Variants in DDX27 observed in about 807,000 individuals in gnomAD.
The protein encoded by DDX27 is probable ATP-dependent RNA helicase DDX27.
In DDX27, 42 loss-of-function variants were observed where a neutral mutation model predicts 99.3. The observed-to-expected ratio is 0.42, with a 90% CI of 0.33 to 0.55. DDX27 has a LOEUF of 0.55. Ranked by LOEUF, DDX27 falls within the 20% of genes least tolerant of loss-of-function variation. DDX27 has a pLI of 0.07. For missense variants in DDX27, 798 were observed against 976.8 expected (o/e 0.82, Z 2.44); for synonymous variants, 329 against 353.8 (o/e 0.93, Z 0.79).
intron 8 of DDX27, among the ~76,000 whole-genome samples, chr20:49,229,894 C>T (rs943680677): frequency 5.9e-5 from 9 of 152,224 alleles, no homozygotes; most frequent in Middle Eastern, 3.4e-3. Flanking sequence ...GATCCACCTG[C>T]CTTGGCCTCC....
chr20:49,242,055 C>A, intron 17 of DDX27, 28 bp from the exon 18 acceptor site: 1 of 1,614,092 alleles, frequency 6.2e-7, no homozygotes, highest in Non-Finnish European at 8.5e-7. Flanking sequence ...TGGTGTGTTC[C>A]ACACTCACAC....
At chr20:49,239,151 C>A in intron 15 of DDX27, 85 bp from the exon 16 acceptor site, 1 of 1,526,794 alleles carries the variant, frequency 6.5e-7, no homozygotes, top group Non-Finnish European at 9.1e-7. Context: ...TTTCTCCCAT[C>A]AGAGCCCCAG....
intron 7 of DDX27, 102 bp from the exon 8 acceptor site, chr20:49,228,613 A>T: frequency 8.6e-7 from 1 of 1,157,226 alleles, no homozygotes; most frequent in Non-Finnish European, 1.2e-6. Context: ...AAGTTCCTTT[A>T]TTTTCCCCAA....
chr20:49,232,658 G>C (rs1397427310), intron 9 of DDX27: 3 of 152,380 alleles, frequency 2.0e-5, no homozygotes, highest in Non-Finnish European at 4.4e-5. Context: ...CAGCTACTCC[G>C]GAGGCTGAGG....
rs1980309135 is a variant in DDX27 at position 49,236,367 on chromosome 20, A to G, written c.1544A>G (p.His515Arg). 6 of 1,605,928 alleles carry G rather than the reference A, an allele frequency of 3.7e-6. No individual in the cohort carries two copies. The highest frequency in any genetic ancestry group is 5.1e-6 in the Non-Finnish European group (6 of 1,176,004). ...TTCACAATGCCTAATACCATCAAACATTATGTCCACCGGGTGGGGCGAACA... is the reference window on the plus strand; with the variant it reads ...TTCACAATGCCTAATACCATCAAACGTTATGTCCACCGGGTGGGGCGAACA... ...INFTMPNTIK[H>R]YVHRVGRTAR... Residue 515 changes from histidine (H) to arginine (R), a missense_variant, in exon 14 of 21, where the codon CAT becomes CGT. His to Arg is a conservative substitution (Grantham distance 29). Transcript: ENST00000618172. This position sits in a 1 kb window ranked among gnomAD's most constrained non-coding sequence, Gnocchi z 4.1.
Position 49,233,421 on chromosome 20 carries a change from T to C in DDX27, c.1131+16T>C, listed in dbSNP as rs777054444. On this transcript the variant is annotated intron_variant, in intron 10 of 20. Transcript: ENST00000618172. Reference sequence around the variant, plus strand: ...GACAGACGAGGTGGGCCGAGGGACTTCTCTGTGGCGGGTGGCAGGTGTGCC... The same window carrying C: ...GACAGACGAGGTGGGCCGAGGGACTCCTCTGTGGCGGGTGGCAGGTGTGCC... The C allele has an allele frequency of 6.2e-7, 1 of 1,613,250 alleles. No individual in the cohort carries two copies. The highest frequency in any genetic ancestry group is 1.1e-5 in the South Asian group (1 of 91,064).
intron 10 of DDX27, 79 bp from the exon 11 acceptor site, chr20:49,233,489 T>C: frequency 1.9e-6 from 3 of 1,599,532 alleles, no homozygotes; most frequent in Non-Finnish European, 2.6e-6. Flanking sequence ...CTTGAGGGGG[T>C]TTGCCTGGGG....
At chr20:49,243,549 G>A in intron 19 of DDX27, 80 bp from the exon 20 acceptor site, 1 of 1,244,078 alleles carries the variant, frequency 8.0e-7, no homozygotes, top group East Asian at 2.3e-5. Flanking sequence ...GCTTCATGTA[G>A]GAGCTGGGGA....
At chr20:49,227,306 A>C (rs1410166286) in intron 7 of DDX27, among the ~76,000 whole-genome samples, 1 of 152,268 alleles carries the variant, frequency 6.6e-6, no homozygotes, top group Non-Finnish European at 1.5e-5. Flanking sequence ...AATCAAAACC[A>C]GGAAATTGGC....
rs142763698 is a variant in DDX27 at position 49,235,026 on chromosome 20, G to A, written c.1365G>A (p.Met455Ile). ...AHRMHILLGL[M>I]GLQVGELHGN... ...GCATGCACATCCTCCTGGGGCTCAT[G>A]GGGCTGCAGGTGGGTGAGCTCCATG... The change falls in exon 12 of 21, where the codon ATG becomes ATA. Residue 455 changes from methionine (M) to isoleucine (I), a missense_variant. Transcript: ENST00000618172. 6.2e-7 allele frequency: 1 copy of A among 1,613,626 alleles called. No homozygotes were observed. The highest frequency in any genetic ancestry group is 8.5e-7 in the Non-Finnish European group (1 of 1,179,786).
At chr20:49,226,866 T>TTTTTTC (rs1979910530) in intron 7 of DDX27, among the ~76,000 whole-genome samples, 1 of 128,788 alleles carries the variant, frequency 7.8e-6, no homozygotes. Context: ...ACTTTTTTTT[T>TTTTTTC]TTTTTTTTTT....
At chr20:49,239,586 A>C (rs946578631) in intron 16 of DDX27, among the ~76,000 whole-genome samples, 1 of 152,178 alleles carries the variant, frequency 6.6e-6, no homozygotes, top group Non-Finnish European at 1.5e-5. Context: ...TGAGAATCTA[A>C]TGCTGCTGCT....
At chr20:49,222,545 G>A (rs1979727764) in intron 2 of DDX27, among the ~76,000 whole-genome samples, 1 of 150,560 alleles carries the variant, frequency 6.6e-6, no homozygotes, top group Non-Finnish European at 1.5e-5. Context: ...ACGGAGTTTT[G>A]CTCTTGTTGC....
At chr20:49,241,348 C>T (rs1438942660) in intron 16 of DDX27, among the ~76,000 whole-genome samples, 1 of 152,088 alleles carries the variant, frequency 6.6e-6, no homozygotes, top group Non-Finnish European at 1.5e-5. Context: ...GTAAAGTGAC[C>T]TAAATCTTCA....
intron 19 of DDX27, 36 bp downstream of exon 19, chr20:49,242,717 C>A: frequency 2.7e-4 from 385 of 1,419,242 alleles, no homozygotes; most frequent in Middle Eastern, 3.7e-4. Context: ...CCTTGGTATT[C>A]TTTTTTTTTT....
At chr20:49,225,647 G>A (rs927013707) in intron 6 of DDX27, among the ~76,000 whole-genome samples, 1 of 151,768 alleles carries the variant, frequency 6.6e-6, no homozygotes. Flanking sequence ...AGTAGAGATG[G>A]GGTTTCACCG....
chr20:49,223,055 A>G (rs750006122), intron 3 of DDX27, 39 bp downstream of exon 3: 31 of 1,565,880 alleles, frequency 2.0e-5, no homozygotes, highest in Non-Finnish European at 8.8e-7. Context: ...GTTAGGGCCC[A>G]CTCTTTACTC....
At chr20:49,225,086 C>T (rs779527481) in intron 5 of DDX27, 27 bp from the exon 6 acceptor site, 8 of 1,612,054 alleles carry the variant, frequency 5.0e-6, no homozygotes, top group East Asian at 2.2e-5. Flanking sequence ...GTTGAATTCT[C>T]TTCTCTCTTT....
chr20:49,222,350 C>T (rs1979718707), intron 2 of DDX27, among the ~76,000 whole-genome samples: 1 of 151,604 alleles, frequency 6.6e-6, no homozygotes, highest in Admixed American at 6.6e-5. Context: ...CACTCTATCA[C>T]CCAGGCCGGA....
Sources: allele counts gnomAD v4.1 joint callset (sites outside exome capture counted in the v4.1 genomes callset), GRCh38; gene constraint gnomAD v4.1.1; non-coding constraint Gnocchi (gnomAD v3.1); transcripts MANE v1.5; gene names NCBI Gene and HGNC (gene_info 2026-07-23, HGNC 2026-07-21).